PTPRF: variants seen among roughly 807,000 people sequenced by gnomAD.
PTPRF encodes the protein receptor-type tyrosine-protein phosphatase F.
In PTPRF, 59 loss-of-function variants were observed where a neutral mutation model predicts 201.8. The observed-to-expected ratio is 0.29, with a 90% CI of 0.24 to 0.36. The LOEUF (loss-of-function observed/expected upper bound fraction) is 0.36. PTPRF is among the 10% of genes least tolerant of loss of function. The pLI, the probability that PTPRF is intolerant of heterozygous loss-of-function variation, is 1.00. For synonymous variants in PTPRF, 1,088 were observed against 1,089.7 expected, an observed-to-expected ratio of 1.00 and a Z score of 0.03; for missense variants, 2,132 against 2,690.5, an observed-to-expected ratio of 0.79 and a Z score of 4.59.
In PTPRF at chr1:43,588,002, G is replaced by A. The variant is rs1009271786; in HGVS notation, c.680-729G>A. Among the ~76,000 whole-genome samples, 11 of 152,320 alleles carry A rather than the reference G, an allele frequency of 7.2e-5. No homozygotes were observed. Among genetic ancestry groups the A allele is most frequent in the African/African-American group, 1.9e-4 (8 of 41,588 alleles). On this transcript the variant is annotated intron_variant, in intron 7 of 33. Transcript: ENST00000359947. The surrounding 1 kb of genome is among the most constrained non-coding windows in gnomAD (Gnocchi z 5.3). Reference sequence around the variant, plus strand: ...CCCTTGTTTGTTGGCGCAGGAAGCCGTCTGTTCGGCGCCCTCATCATGTTA... The same window carrying A: ...CCCTTGTTTGTTGGCGCAGGAAGCCATCTGTTCGGCGCCCTCATCATGTTA...
chr1:43,588,895 C>G lies in PTPRF; in HGVS notation c.844C>G (p.Arg282Gly). 1 of 1,613,684 alleles carries G rather than the reference C, an allele frequency of 6.2e-7. No individual in the cohort carries two copies. The highest frequency in any genetic ancestry group is 8.5e-7 in the Non-Finnish European group (1 of 1,179,716). Reference protein sequence around the residue: ...LTKEDEMPVGRNVLELSNVVR... With the variant: ...LTKEDEMPVGGNVLELSNVVR... ...CAAGGAGGATGAGATGCCAGTTGGCCGCAACGTCCTGGAGCTCAGCAATGT... is the reference window on the plus strand; with the variant it reads ...CAAGGAGGATGAGATGCCAGTTGGCGGCAACGTCCTGGAGCTCAGCAATGT... Residue 282 changes from arginine to glycine, a missense_variant, in exon 8 of 34, where the codon CGC (arginine) becomes GGC (glycine). Transcript: ENST00000359947. The surrounding 1 kb of genome is among the most constrained non-coding windows in gnomAD (Gnocchi z 5.3).
intron 16 of PTPRF, 101 bp downstream of exon 16, chr1:43,604,290 C>G: frequency 8.0e-7 from 1 of 1,245,906 alleles, no homozygotes; most frequent in Non-Finnish European, 1.1e-6. Flanking sequence ...ATCCACCAGC[C>G]TCTGGTGTGT....
rs371851566 is a variant in PTPRF at position 43,591,773 on chromosome 1, C to T, written c.1532-39C>T. Reference sequence around the variant, plus strand: ...TCCTCCCTGGGCACCCCTGACCTCACGCAGATGAGGCTGACCTGCCTGGTG... The same window carrying T: ...TCCTCCCTGGGCACCCCTGACCTCATGCAGATGAGGCTGACCTGCCTGGTG... On this transcript the variant is annotated intron_variant, in intron 9 of 33. Coordinates refer to ENST00000359947, the MANE Select transcript of PTPRF (RefSeq NM_002840.5). 343 of 1,609,420 alleles carry T rather than the reference C, an allele frequency of 2.1e-4. No individual in the cohort carries two copies. The Middle Eastern group carries it at 4.2e-3, about 20-fold the overall frequency.
upstream of PTPRF, among the ~76,000 whole-genome samples, chr1:43,526,586 TG>T (rs1557641001): frequency 6.6e-6 from 1 of 152,076 alleles, no homozygotes; most frequent in African/African-American, 2.4e-5. Flanking sequence ...CACTGTGTCT[TG>T]GGGAATTGAT....
At chr1:43,527,381 A>T (rs1416186264), upstream of PTPRF, among the ~76,000 whole-genome samples, 1 of 152,220 alleles carries the variant, frequency 6.6e-6, no homozygotes, top group Non-Finnish European at 1.5e-5. Context: ...ACGCTCTCCC[A>T]GGCCCGGCCA....
intron 11 of PTPRF, among the ~76,000 whole-genome samples, chr1:43,595,360 G>A (rs182768270): frequency 6.6e-6 from 1 of 152,022 alleles, no homozygotes; most frequent in Non-Finnish European, 1.5e-5. Context: ...GTTTATAGGC[G>A]TGCCCGCCAC....
At position 43,581,643 on chromosome 1, in the gene PTPRF, GC is replaced by G. The variant is rs199847371; in HGVS notation, c.679+2725del. ...GTACTAGGGGCCCTTCAGCCCCAGC[GC>G]CTGGGGACAGCCTGTACTGGGCTGA... On this transcript the variant is annotated intron_variant, in intron 7 of 33. Transcript: ENST00000359947. 4.0e-3 allele frequency among the ~76,000 whole-genome samples: 612 copies of G among 152,316 alleles called. 9 individuals are homozygous for G. Among genetic ancestry groups the G allele is most frequent in the Admixed American group, 0.026 (393 of 15,304 alleles).
chr1:43,592,389 T>C, intron 10 of PTPRF, 68 bp from the exon 11 acceptor site: 1 of 1,542,880 alleles, frequency 6.5e-7, no homozygotes, highest in Non-Finnish European at 8.8e-7. Context: ...TTGCAGCCCA[T>C]GTTGGGGAAC....
upstream of PTPRF, among the ~76,000 whole-genome samples, chr1:43,530,340 G>C (rs1643330113): frequency 6.6e-6 from 1 of 152,004 alleles, no homozygotes; most frequent in Non-Finnish European, 1.5e-5. This position sits in a 1 kb window ranked among gnomAD's most constrained non-coding sequence, Gnocchi z 4.1. Context: ...TTAGGGACTG[G>C]GGGCTGAGCA....
chr1:43,599,738 G>GT (rs1208806003), intron 13 of PTPRF, among the ~76,000 whole-genome samples: 1 of 152,090 alleles, frequency 6.6e-6, no homozygotes, highest in Non-Finnish European at 1.5e-5. Context: ...AATGCTGGGG[G>GT]GTTATGAGAG....
chr1:43,606,208 C>T, intron 19 of PTPRF, 32 bp from the exon 20 acceptor site: 1 of 1,592,300 alleles, frequency 6.3e-7, no homozygotes, highest in Non-Finnish European at 8.5e-7. Flanking sequence ...TGCTCCAAGG[C>T]CCCTCATGAC....
chr1:43,554,050 C>T lies in PTPRF; in HGVS notation c.379+109C>T, dbSNP rs1645194563. ...CATGTGCATTTGGCAGAAAGGAGGA[C>T]TGGCCACCTCGGGGTCAGTGAAAGT... On this transcript the variant is annotated intron_variant, in intron 5 of 33. Transcript: ENST00000359947. This position sits in a 1 kb window ranked among gnomAD's most constrained non-coding sequence, Gnocchi z 4.1. The T allele has an allele frequency of 4.2e-6, 6 of 1,431,638 alleles. No individual in the cohort carries two copies. Among genetic ancestry groups the T allele is most frequent in the East Asian group, 2.4e-5 (1 of 41,120 alleles). The allele number at this position is 1,431,638 out of a possible 1,614,324, so 88.7% of individuals were successfully genotyped here. A position where few individuals can be genotyped will look rare whatever the true frequency, so the allele number is the denominator to read the frequency against.
At position 43,588,483 on chromosome 1, in the gene PTPRF, G is replaced by T. The variant is rs1424154794; in HGVS notation, c.680-248G>T. ...TCCTAGGCTATAAAATGGGAGCTTG[G>T]TTGCAAGATCTCTCATTGAGTAAGT... On this transcript the variant is annotated intron_variant, in intron 7 of 33. Transcript: ENST00000359947. This position sits in a 1 kb window ranked among gnomAD's most constrained non-coding sequence, Gnocchi z 5.3. Among the ~76,000 whole-genome samples the T allele has an allele frequency of 6.6e-6, 1 of 152,196 alleles. No individual in the cohort carries two copies. Among genetic ancestry groups the T allele is most frequent in the Non-Finnish European group, 1.5e-5 (1 of 68,032 alleles).
chr1:43,583,985 C>T (rs1274890010), intron 7 of PTPRF, among the ~76,000 whole-genome samples: 1 of 152,162 alleles, frequency 6.6e-6, no homozygotes, highest in Admixed American at 6.5e-5. Context: ...TAGCAGGATC[C>T]ATATGGGAGC....
intron 1 of PTPRF, chr1:43,532,741 A>G (rs1643718299): frequency 6.5e-6 from 1 of 154,476 alleles, no homozygotes; most frequent in Non-Finnish European, 1.5e-5. Flanking sequence ...TTTACTGATT[A>G]TATGAATGAG....
chr1:43,602,289 T>A (rs1653952514), intron 14 of PTPRF, among the ~76,000 whole-genome samples, 192 bp downstream of exon 14: 1 of 152,224 alleles, frequency 6.6e-6, no homozygotes, highest in African/African-American at 2.4e-5. Context: ...AATCCTTACT[T>A]CTTGCCTGTC....
At chr1:43,607,702 A>G (rs942663900) in intron 21 of PTPRF, among the ~76,000 whole-genome samples, 2 of 152,196 alleles carry the variant, frequency 1.3e-5, no homozygotes, top group Non-Finnish European at 2.9e-5. Flanking sequence ...CACTCCTGAC[A>G]TTGCGACACT....
At chr1:43,613,383 C>T in intron 22 of PTPRF, 1 of 500,488 alleles carries the variant, frequency 2.0e-6, no homozygotes. Flanking sequence ...AGTGCCCCCA[C>T]TCAGCACCCC....
chr1:43,525,804 C>CAAAAAAAAAAAA (rs1179056466), upstream of PTPRF, among the ~76,000 whole-genome samples: 4 of 35,568 alleles, frequency 1.1e-4, 1 homozygote, highest in Admixed American at 4.3e-4. Context: ...GACTCAGTCT[C>CAAAAAAAAAAAA]AAAAAAAAAA....
Sources: allele counts gnomAD v4.1 joint callset (sites outside exome capture counted in the v4.1 genomes callset), GRCh38; gene constraint gnomAD v4.1.1; non-coding constraint Gnocchi (gnomAD v3.1); transcripts MANE v1.5; gene names NCBI Gene and HGNC (gene_info 2026-07-23, HGNC 2026-07-21).